Variants in RIN2 observed in about 807,000 individuals in gnomAD.
RIN2 encodes the protein Ras and Rab interactor 2, also known as RAB5 interacting protein 2.
In RIN2, 36 loss-of-function variants were observed where a neutral mutation model predicts 78.0. The ratio of observed to expected loss-of-function variants is 0.46; its 90% CI spans 0.35 to 0.61. The LOEUF is 0.61. RIN2 is among the 20% of genes least tolerant of loss of function. The pLI is 0.00. For missense variants in RIN2, 1,087 were observed against 1,159.7 expected (o/e 0.94, Z 0.91); for synonymous variants, 466 against 466.8 (o/e 1.00, Z 0.02).
chr20:19,959,967 C>A (rs998243575), intron 5 of RIN2, among the ~76,000 whole-genome samples: 1 of 152,188 alleles, frequency 6.6e-6, no homozygotes, highest in South Asian at 2.1e-4. Context: ...TGTTTTAAAG[C>A]ATGTGTCTAA....
chr20:19,941,559 C>T (rs1326394230), intron 4 of RIN2, among the ~76,000 whole-genome samples: 3 of 152,144 alleles, frequency 2.0e-5, no homozygotes, highest in Non-Finnish European at 4.4e-5. Context: ...CATCACACAT[C>T]GATGGCTTTG....
intron 2 of RIN2, among the ~76,000 whole-genome samples, chr20:19,828,242 G>C (rs1314313418): frequency 6.6e-6 from 1 of 152,122 alleles, no homozygotes; most frequent in Non-Finnish European, 1.5e-5. Context: ...CCCATTCCTA[G>C]CTTTTGTGAA....
chr20:19,976,340 C>T (rs2042278859), intron 9 of RIN2, among the ~76,000 whole-genome samples: 1 of 152,188 alleles, frequency 6.6e-6, no homozygotes, highest in African/African-American at 2.4e-5. Flanking sequence ...CCCCGGGCCC[C>T]CTGTTCTCCC....
At chr20:19,815,449 A>G (rs1213636366) in intron 2 of RIN2, among the ~76,000 whole-genome samples, 1 of 152,218 alleles carries the variant, frequency 6.6e-6, no homozygotes, top group Non-Finnish European at 1.5e-5. Context: ...CACTGAAAGT[A>G]ATTTATTTCT....
chr20:19,868,258 G>A (rs2037569532), intron 2 of RIN2, among the ~76,000 whole-genome samples: 2 of 152,242 alleles, frequency 1.3e-5, no homozygotes, highest in Admixed American at 1.3e-4. Context: ...CCAGGCTGGG[G>A]CAGCAGCGTC....
intron 2 of RIN2, among the ~76,000 whole-genome samples, chr20:19,869,546 C>T (rs1286431439): frequency 3.9e-5 from 6 of 152,184 alleles, no homozygotes; most frequent in Non-Finnish European, 8.8e-5. Flanking sequence ...TCCATGAAGC[C>T]TCCACCCTCA....
intron 2 of RIN2, among the ~76,000 whole-genome samples, chr20:19,888,206 G>A (rs2038282802): frequency 6.6e-6 from 1 of 152,244 alleles, no homozygotes. Flanking sequence ...AGAGACGATG[G>A]TTCTGGAAGG....
chr20:19,921,917 G>A (rs1343287138), intron 3 of RIN2, among the ~76,000 whole-genome samples: 2 of 152,150 alleles, frequency 1.3e-5, no homozygotes, highest in Non-Finnish European at 2.9e-5. Flanking sequence ...CCAGGCTGGA[G>A]TGCAGCGGCA....
intron 5 of RIN2, among the ~76,000 whole-genome samples, chr20:19,959,245 G>A (rs1279876670): frequency 1.3e-5 from 2 of 152,254 alleles, no homozygotes; most frequent in South Asian, 2.1e-4. Flanking sequence ...CTGATATAAC[G>A]TAAGGCTGCA....
chr20:19,997,920 T>C (rs1601096925), intron 12 of RIN2, among the ~76,000 whole-genome samples: 1 of 151,934 alleles, frequency 6.6e-6, no homozygotes, highest in South Asian at 2.1e-4. Context: ...CCATGATGAG[T>C]TTCCAAGCAG....
At chr20:19,759,818 T>G (rs913248928) in intron 1 of RIN2, among the ~76,000 whole-genome samples, 12 of 152,066 alleles carry the variant, frequency 7.9e-5, no homozygotes, top group African/African-American at 2.7e-4. Context: ...AAGCCGACAT[T>G]GTGCCACTCC....
intron 2 of RIN2, among the ~76,000 whole-genome samples, chr20:19,802,740 C>T (rs1271477278): frequency 6.6e-6 from 1 of 152,104 alleles, no homozygotes; most frequent in Non-Finnish European, 1.5e-5. Flanking sequence ...CCTGAAGGCC[C>T]CCTCAAAAGC....
intron 12 of RIN2, among the ~76,000 whole-genome samples, chr20:19,997,830 G>A (rs562863137): frequency 6.6e-6 from 1 of 152,286 alleles, no homozygotes; most frequent in East Asian, 1.9e-4. Context: ...TAATGAGTGA[G>A]TTGGCAAATG....
chr20:19,972,325 A>G (rs913593442), intron 8 of RIN2, among the ~76,000 whole-genome samples: 3 of 152,146 alleles, frequency 2.0e-5, no homozygotes, highest in Admixed American at 2.0e-4. Context: ...CTGTCCACAT[A>G]GCTCCAGTCT....
chr20:19,947,722 G>A (rs1166038747), intron 4 of RIN2, among the ~76,000 whole-genome samples: 1 of 152,264 alleles, frequency 6.6e-6, no homozygotes, highest in Non-Finnish European at 1.5e-5. Flanking sequence ...AGAAAAGCCA[G>A]GATTTTTCGT....
intron 2 of RIN2, among the ~76,000 whole-genome samples, chr20:19,851,901 G>A (rs749803889): frequency 2.6e-5 from 4 of 152,102 alleles, no homozygotes; most frequent in Non-Finnish European, 5.9e-5. Context: ...TCACACTTAC[G>A]TATGCAGGCT....
At chr20:19,911,648 T>C (rs1012982204) in intron 3 of RIN2, among the ~76,000 whole-genome samples, 1 of 152,248 alleles carries the variant, frequency 6.6e-6, no homozygotes, top group Admixed American at 6.5e-5. Flanking sequence ...CATGTCCTTA[T>C]ACTATTTCTT....
At chr20:19,807,805 C>T (rs2035453371) in intron 2 of RIN2, among the ~76,000 whole-genome samples, 1 of 152,156 alleles carries the variant, frequency 6.6e-6, no homozygotes, top group Non-Finnish European at 1.5e-5. Flanking sequence ...CTCTCAATAC[C>T]TTGGCTCTCT....
intron 9 of RIN2, among the ~76,000 whole-genome samples, chr20:19,982,490 A>G (rs1339576759): frequency 2.0e-5 from 3 of 152,140 alleles, no homozygotes; most frequent in Admixed American, 2.0e-4. Flanking sequence ...AGCTCTGCTC[A>G]CATAAGATAG....
Sources: allele counts gnomAD v4.1 joint callset (sites outside exome capture counted in the v4.1 genomes callset), GRCh38; gene constraint gnomAD v4.1.1; transcripts MANE v1.5; gene names NCBI Gene and HGNC (gene_info 2026-07-23, HGNC 2026-07-21).